CAMTA1: variants seen among roughly 807,000 people sequenced by gnomAD.
CAMTA1 encodes the protein calmodulin-binding transcription activator 1.
CAMTA1 carries 27 observed loss-of-function variants against 170.9 expected under a neutral mutation model. That is an observed-to-expected ratio of 0.16 (90% CI 0.12 to 0.22). The LOEUF (loss-of-function observed/expected upper bound fraction) is 0.22, where lower values mean the gene tolerates loss of function less well. Among genes scored for constraint, CAMTA1 ranks in the 10% least tolerant of loss-of-function variants. The probability of loss-of-function intolerance (pLI) is 1.00; values close to 1 mark genes in which losing one functional copy is unlikely to be tolerated. For synonymous variants in CAMTA1, 833 were observed against 891.5 expected, an observed-to-expected ratio of 0.93 and a Z score of 1.17; for missense variants, 1,619 against 2,217.2, an observed-to-expected ratio of 0.73 and a Z score of 5.42.
At chr1:7,215,021 T>C (rs1243857293) in intron 4 of CAMTA1, among the ~76,000 whole-genome samples, 1 of 152,174 alleles carries the variant, frequency 6.6e-6, no homozygotes. Context: ...TCTATTGGTT[T>C]ATGTGTCAAT....
intron 4 of CAMTA1, among the ~76,000 whole-genome samples, chr1:7,160,744 G>A (rs143672238): frequency 7.3e-4 from 111 of 152,276 alleles, no homozygotes; most frequent in African/African-American, 2.4e-3. Flanking sequence ...GTACCACTAA[G>A]TTTCAGAACA....
At chr1:7,326,042 A>C (rs1009073742) in intron 5 of CAMTA1, among the ~76,000 whole-genome samples, 1 of 152,076 alleles carries the variant, frequency 6.6e-6, no homozygotes, top group African/African-American at 2.4e-5. Context: ...TATTTTTAGT[A>C]GAGACAGTGT....
chr1:6,998,916 G>A (rs74895136), intron 3 of CAMTA1, among the ~76,000 whole-genome samples: 2,387 of 151,568 alleles, frequency 0.016, 34 homozygotes, highest in African/African-American at 0.036. Context: ...TTTTTGTATT[G>A]TAAAATACAC....
chr1:7,197,504 G>T (rs766103306), intron 4 of CAMTA1, among the ~76,000 whole-genome samples: 9 of 151,746 alleles, frequency 5.9e-5, no homozygotes, highest in Non-Finnish European at 1.2e-4. Context: ...CTAAAGAGGT[G>T]GGGGCTCAGA....
chr1:7,547,385 CACACA>C lies in CAMTA1; in HGVS notation c.510+79485_510+79489del, dbSNP rs1349346851. 7.9e-5 allele frequency among the ~76,000 whole-genome samples: 11 copies of C among 139,390 alleles called. No individual in the cohort carries two copies. Among genetic ancestry groups the C allele is most frequent in the South Asian group, 4.9e-4 (2 of 4,044 alleles). The allele number at this position is 139,390 out of a possible 152,430, so 91.4% of individuals were successfully genotyped here. A position where few individuals can be genotyped will look rare whatever the true frequency, so the allele number is the denominator to read the frequency against. ...ACACACACACACACACACACACACA[CACACA>C]GAGTTGGCCTTCCACATTCATGAGT... is the stretch of plus-strand genomic sequence containing the variant. On this transcript the variant is annotated intron_variant, in intron 6 of 22. Coordinates refer to ENST00000303635, the MANE Select transcript of CAMTA1 (RefSeq NM_015215.4). The surrounding 1 kb of genome is among the most constrained non-coding windows in gnomAD (Gnocchi z 5.7).
intron 5 of CAMTA1, among the ~76,000 whole-genome samples, chr1:7,387,181 G>C (rs1167882849): frequency 6.6e-6 from 1 of 151,888 alleles, no homozygotes; most frequent in Admixed American, 6.6e-5. Context: ...CTCCAGACTG[G>C]GCTCCTTCCC....
intron 1 of CAMTA1, among the ~76,000 whole-genome samples, chr1:6,814,858 C>A (rs897899777): frequency 6.6e-6 from 1 of 152,254 alleles, no homozygotes; most frequent in Non-Finnish European, 1.5e-5. Context: ...AGCCTGTAAT[C>A]ACTTCTTACT....
At chr1:7,070,484 C>T (rs1057003017) in intron 3 of CAMTA1, among the ~76,000 whole-genome samples, 2 of 152,224 alleles carry the variant, frequency 1.3e-5, no homozygotes, top group South Asian at 2.1e-4. Flanking sequence ...GAATGAGGCT[C>T]TGCAGTGATT....
At chr1:7,090,137 G>A (rs1482294163) in intron 3 of CAMTA1, among the ~76,000 whole-genome samples, 1 of 152,116 alleles carries the variant, frequency 6.6e-6, no homozygotes, top group Non-Finnish European at 1.5e-5. Context: ...TGGGATGTCA[G>A]GCCTTGATCT....
chr1:7,666,667 G>A (rs747326007), intron 9 of CAMTA1, among the ~76,000 whole-genome samples: 3 of 152,188 alleles, frequency 2.0e-5, no homozygotes, highest in Non-Finnish European at 4.4e-5. Context: ...CCTGGGAGGT[G>A]GCTGCCCACG....
At chr1:6,888,523 A>G (rs1673814894) in intron 3 of CAMTA1, among the ~76,000 whole-genome samples, 1 of 152,238 alleles carries the variant, frequency 6.6e-6, no homozygotes, top group Non-Finnish European at 1.5e-5. Flanking sequence ...AGAAAGAAAC[A>G]TGGAGAAATA....
chr1:7,068,107 C>T (rs940711050), intron 3 of CAMTA1, among the ~76,000 whole-genome samples: 1 of 152,110 alleles, frequency 6.6e-6, no homozygotes, highest in African/African-American at 2.4e-5. Flanking sequence ...GTACATTTTC[C>T]TTCTTCTTTA....
chr1:6,791,960 A>G (rs1228216870), intron 1 of CAMTA1, among the ~76,000 whole-genome samples: 1 of 151,744 alleles, frequency 6.6e-6, no homozygotes, highest in African/African-American at 2.4e-5. Flanking sequence ...TTATAAGGAA[A>G]GTGTTTCTTT....
At chr1:7,310,556 T>A (rs1283043470) in intron 5 of CAMTA1, among the ~76,000 whole-genome samples, 1 of 152,102 alleles carries the variant, frequency 6.6e-6, no homozygotes, top group East Asian at 1.9e-4. Context: ...AATGTGTCGT[T>A]TTTCTCTGGC....
intron 4 of CAMTA1, among the ~76,000 whole-genome samples, chr1:7,199,558 C>A (rs969300614): frequency 6.6e-6 from 1 of 152,210 alleles, no homozygotes; most frequent in Admixed American, 6.5e-5. Flanking sequence ...CACCAGCCGC[C>A]GCCTGGAAGA....
intron 3 of CAMTA1, among the ~76,000 whole-genome samples, chr1:7,027,159 G>A (rs929506405): frequency 6.6e-6 from 1 of 152,012 alleles, no homozygotes; most frequent in Non-Finnish European, 1.5e-5. Context: ...TTGAAGAAGG[G>A]TCAGTGATAC....
intron 5 of CAMTA1, among the ~76,000 whole-genome samples, chr1:7,405,543 G>A (rs1440904731): frequency 3.4e-5 from 2 of 58,434 alleles, no homozygotes; most frequent in African/African-American, 2.9e-4. Flanking sequence ...GCTAATTTTT[G>A]TATTTTTTTT....
intron 4 of CAMTA1, among the ~76,000 whole-genome samples, chr1:7,134,798 G>C (rs1164074375): frequency 6.6e-6 from 1 of 152,192 alleles, no homozygotes; most frequent in Non-Finnish European, 1.5e-5. Context: ...GAGAATGGTA[G>C]CTCTGTCAAC....
intron 5 of CAMTA1, among the ~76,000 whole-genome samples, chr1:7,459,731 G>A (rs529352011): frequency 6.6e-6 from 1 of 152,304 alleles, no homozygotes; most frequent in South Asian, 2.1e-4. Flanking sequence ...CCTCCCTGGT[G>A]CTGTCACCCC....
Sources: allele counts gnomAD v4.1 joint callset (sites outside exome capture counted in the v4.1 genomes callset), GRCh38; gene constraint gnomAD v4.1.1; non-coding constraint Gnocchi (gnomAD v3.1); transcripts MANE v1.5; gene names NCBI Gene and HGNC (gene_info 2026-07-23, HGNC 2026-07-21).